Variants in OR2L3 observed in about 807,000 individuals in gnomAD.
OR2L3 encodes olfactory receptor family 2 subfamily L member 3, also known as olfactory receptor 2L3.
For synonymous variants in OR2L3, 131 were observed against 139.1 expected, an observed-to-expected ratio of 0.94 and a Z score of 0.41; for missense variants, 369 against 376.6, an observed-to-expected ratio of 0.98 and a Z score of 0.17.
At position 248,061,600 on chromosome 1, in the gene OR2L3, A is replaced by G. The variant is rs1046773984; in HGVS notation, c.919A>G (p.Ile307Val). The G allele has an allele frequency of 1.9e-6, 3 of 1,612,576 alleles. No homozygotes were observed. The highest frequency in any genetic ancestry group is 2.5e-6 in the Non-Finnish European group (3 of 1,179,262). ...MGALTRVSQR[I>V]CSGKM ...GGCCCTGACACGAGTGAGTCAGAGA[A>G]TCTGCTCTGGGAAAATGTAGAAACA... The change falls in exon 2 of 2, where the codon ATC becomes GTC. Residue 307 changes from isoleucine (I) to valine (V), a missense_variant. Ile to Val is a conservative substitution (Grantham distance 29). Transcript: ENST00000359959.
In OR2L3 at chr1:248,061,004, G is replaced by A. The variant is rs763338414; in HGVS notation, c.323G>A (p.Gly108Asp). 3.7e-6 allele frequency: 6 copies of A among 1,614,034 alleles called. No individual in the cohort carries two copies. In the East Asian group the frequency reaches 1.1e-4, roughly 30 times the overall value. The part of the protein sequence containing the change: ...IQSFFFSALG[G>D]AEALLLASMA... The stretch of plus-strand genomic sequence containing the variant: ...AGTTTCTTCTTCTCGGCATTAGGAG[G>A]TGCAGAAGCACTACTTTTGGCATCT... Residue 108 changes from glycine (G) to aspartate (D), a missense_variant, in exon 2 of 2, where the codon GGT becomes GAT. By Grantham distance (94) the Gly-to-Asp change is moderately conservative. Transcript: ENST00000359959.
chr1:248,062,819 T>G lies in OR2L3; in HGVS notation c.*1199T>G, dbSNP rs577125988. 2 of 152,340 alleles carry G rather than the reference T, an allele frequency of 1.3e-5. No individual in the cohort carries two copies. The highest frequency in any genetic ancestry group is 4.8e-5 in the African/African-American group (2 of 41,590). The allele number at this position is 152,340 out of a possible 1,614,324, so 9.4% of individuals were successfully genotyped here. A position where few individuals can be genotyped will look rare whatever the true frequency, so the allele number is the denominator to read the frequency against. On this transcript the variant is annotated 3_prime_UTR_variant, in exon 2 of 2. Coordinates refer to ENST00000359959, the MANE Select transcript of OR2L3 (RefSeq NM_001004687.2). ...CCCGATTTGATCATTATGCATTGTA[T>G]GCCTTTATCAAAGCATCACATACAC...
At position 248,060,796 on chromosome 1, in the gene OR2L3, A is replaced by T. The variant is rs1663599713; in HGVS notation, c.115A>T (p.Ile39Phe). ...LIVFIFLMALIGNLSMILLIF... is the reference protein window; with the variant it reads ...LIVFIFLMALFGNLSMILLIF... Reference sequence around the variant, plus strand: ...TGTTTTCATTTTCCTAATGGCTCTAATTGGAAACCTATCCATGATTCTTCT... The same window carrying T: ...TGTTTTCATTTTCCTAATGGCTCTATTTGGAAACCTATCCATGATTCTTCT... The change falls in exon 2 of 2, where the codon ATT becomes TTT. Residue 39 changes from isoleucine (I) to phenylalanine (F), a missense_variant. Transcript: ENST00000359959. 1 of 1,614,060 alleles carries T rather than the reference A, an allele frequency of 6.2e-7. No individual in the cohort carries two copies. The highest frequency in any genetic ancestry group is 2.2e-5 in the East Asian group (1 of 44,880).
rs568278549 is a variant in OR2L3, at chr1:248,063,405, A to G, written c.*1785A>G. The G allele has an allele frequency of 6.6e-6, 1 of 152,370 alleles. No homozygotes were observed. Among genetic ancestry groups the G allele is most frequent in the South Asian group, 2.1e-4 (1 of 4,830 alleles). The allele number at this position is 152,370 out of a possible 1,614,324, so 9.4% of individuals were successfully genotyped here. A position where few individuals can be genotyped will look rare whatever the true frequency, so the allele number is the denominator to read the frequency against. ...TGTTTTACCATATTGTAGCAGTTAAAACATAAATTTTGAACTTGTTTTATA... is the reference window on the plus strand; with the variant it reads ...TGTTTTACCATATTGTAGCAGTTAAGACATAAATTTTGAACTTGTTTTATA... On this transcript the variant is annotated 3_prime_UTR_variant, in exon 2 of 2. Coordinates refer to ENST00000359959, the MANE Select transcript of OR2L3 (RefSeq NM_001004687.2).
At chr1:248,058,553 T>C (rs1663517604) in intron 1 of OR2L3, among the ~76,000 whole-genome samples, 1 of 152,124 alleles carries the variant, frequency 6.6e-6, no homozygotes, top group Non-Finnish European at 1.5e-5. Flanking sequence ...TATCTTCTGA[T>C]ATTTATTACT....
intron 1 of OR2L3, among the ~76,000 whole-genome samples, chr1:248,048,185 C>T (rs1663142540): frequency 6.6e-6 from 1 of 152,146 alleles, no homozygotes; most frequent in Non-Finnish European, 1.5e-5. Context: ...GATGCACCAT[C>T]GTGGACCTCA....
intron 1 of OR2L3, among the ~76,000 whole-genome samples, chr1:248,052,159 C>G (rs997722488): frequency 6.6e-6 from 1 of 152,140 alleles, no homozygotes; most frequent in African/African-American, 2.4e-5. Flanking sequence ...ATAGTTTTAT[C>G]TCTTGCATTT....
At chr1:248,049,484 C>T (rs1349128030) in intron 1 of OR2L3, among the ~76,000 whole-genome samples, 1 of 152,072 alleles carries the variant, frequency 6.6e-6, no homozygotes, top group Admixed American at 6.6e-5. Flanking sequence ...TAACTGAATT[C>T]TTCCAGTAGG....
rs554340544 is a variant in OR2L3 at position 248,061,544 on chromosome 1, T to A, written c.863T>A (p.Ile288Asn). 1.2e-6 allele frequency: 2 copies of A among 1,613,762 alleles called. No homozygotes were observed. Among genetic ancestry groups the A allele is most frequent in the African/African-American group, 1.3e-5 (1 of 74,866 alleles). Reference sequence around the variant, plus strand: ...CTCACTCCAATGCTCAACCCCATCATCTATAGCCTGAGGAACAAGGAGGTG... The same window carrying A: ...CTCACTCCAATGCTCAACCCCATCAACTATAGCCTGAGGAACAAGGAGGTG... ...TTLTPMLNPI[I>N]YSLRNKEVMG... Residue 288 changes from isoleucine to asparagine, a missense_variant, in exon 2 of 2, where the codon ATC becomes AAC. Transcript: ENST00000359959.
chr1:248,047,509 A>G (rs879570448), intron 1 of OR2L3, among the ~76,000 whole-genome samples: 9 of 152,220 alleles, frequency 5.9e-5, no homozygotes, highest in Admixed American at 2.0e-4. Flanking sequence ...CTGGAAATCA[A>G]TAATGAAGGT....
intron 1 of OR2L3, among the ~76,000 whole-genome samples, chr1:248,059,239 T>C (rs1663538950): frequency 6.6e-6 from 1 of 152,166 alleles, no homozygotes; most frequent in Non-Finnish European, 1.5e-5. Flanking sequence ...TCTAGACTAA[T>C]ATTTAAGCCT....
At chr1:248,046,997 A>G (rs895627286) in intron 1 of OR2L3, 117 bp downstream of exon 1, 5 of 152,202 alleles carry the variant, frequency 3.3e-5, no homozygotes, top group African/African-American at 1.2e-4. Context: ...CAGCACTAAT[A>G]ACTGTACTTT....
rs764921446 is a variant in OR2L3 at position 248,060,993 on chromosome 1, G to A, written c.312G>A (p.Ser104=). 37 of 1,613,800 alleles carry A rather than the reference G, an allele frequency of 2.3e-5. No homozygotes were observed. In the Middle Eastern group the frequency reaches 6.6e-4, roughly 29 times the overall value. The change falls in exon 2 of 2, where the codon TCG becomes TCA. Residue 104 remains serine (S), a synonymous_variant. Coordinates refer to ENST00000359959, the MANE Select transcript of OR2L3 (RefSeq NM_001004687.2). ...GTGGGATTCAGAGTTTCTTCTTCTCGGCATTAGGAGGTGCAGAAGCACTAC... is the reference window on the plus strand; with the variant it reads ...GTGGGATTCAGAGTTTCTTCTTCTCAGCATTAGGAGGTGCAGAAGCACTAC... ...TGCGIQSFFF[S]ALGGAEALLL...
At chr1:248,048,755 T>C (rs1325819617) in intron 1 of OR2L3, among the ~76,000 whole-genome samples, 2 of 152,088 alleles carry the variant, frequency 1.3e-5, no homozygotes, top group East Asian at 3.8e-4. Flanking sequence ...TTGTATATTT[T>C]AGATATCGCT....
chr1:248,058,469 C>A (rs73145260), intron 1 of OR2L3, among the ~76,000 whole-genome samples: 9,537 of 152,066 alleles, frequency 0.063, 323 homozygotes, highest in East Asian at 0.11. Flanking sequence ...TTGACAACAT[C>A]ATTTCATCTT....
chr1:248,050,315 C>G (rs1473912149), intron 1 of OR2L3, among the ~76,000 whole-genome samples: 1 of 151,496 alleles, frequency 6.6e-6, no homozygotes, highest in Non-Finnish European at 1.5e-5. Context: ...GCTAAAATAC[C>G]TTCCTTATAG....
At chr1:248,058,515 T>G (rs529282154) in intron 1 of OR2L3, among the ~76,000 whole-genome samples, 1 of 152,266 alleles carries the variant, frequency 6.6e-6, no homozygotes, top group South Asian at 2.1e-4. Context: ...AAATATAAAC[T>G]ATTGTAAAAC....
At chr1:248,054,201 T>G (rs1046427307) in intron 1 of OR2L3, among the ~76,000 whole-genome samples, 6 of 152,200 alleles carry the variant, frequency 3.9e-5, no homozygotes, top group African/African-American at 1.4e-4. Context: ...CCAGCACCAT[T>G]TATTAAATAG....
chr1:248,060,055 T>G (rs1355519086), intron 1 of OR2L3, among the ~76,000 whole-genome samples: 4 of 151,324 alleles, frequency 2.6e-5, no homozygotes. Context: ...AAAAAAAAAG[T>G]ATAAATATGG....
Sources: allele counts gnomAD v4.1 joint callset (sites outside exome capture counted in the v4.1 genomes callset), GRCh38; gene constraint gnomAD v4.1.1; transcripts MANE v1.5; gene names NCBI Gene and HGNC (gene_info 2026-07-23, HGNC 2026-07-21).